C1orf115: variants seen among roughly 807,000 people sequenced by gnomAD.
C1orf115 encodes required for drug-induced death protein 1.
A neutral mutation model predicts 12.5 loss-of-function variants in C1orf115; 14 were observed. The ratio of observed to expected loss-of-function variants is 1.12; its 90% CI spans 0.74 to 1.75. C1orf115 has a LOEUF of 1.75. C1orf115 is among the 40% of genes most tolerant of loss of function. The pLI, the probability that C1orf115 is intolerant of heterozygous loss-of-function variation, is 0.00. For synonymous variants in C1orf115, 109 were observed against 104.6 expected, an observed-to-expected ratio of 1.04 and a Z score of -0.26; for missense variants, 237 against 220.8, an observed-to-expected ratio of 1.07 and a Z score of -0.46.
In C1orf115 at chr1:220,696,656, C is replaced by T. The variant is rs771614062; in HGVS notation, c.354C>T (p.Ile118=). Residue 118 remains isoleucine, a synonymous_variant, in exon 2 of 2, where the codon ATC becomes ATT. Coordinates refer to ENST00000294889, the MANE Select transcript of C1orf115 (RefSeq NM_024709.5). Reference sequence around the variant, plus strand: ...TCAAAGGATGCCGCTACGTGGTCATCGGCCTGCAAGGCTTCGCTGCAGCCT... The same window carrying T: ...TCAAAGGATGCCGCTACGTGGTCATTGGCCTGCAAGGCTTCGCTGCAGCCT... ...VIIKGCRYVV[I]GLQGFAAAYS... 1.0e-4 allele frequency: 167 copies of T among 1,601,424 alleles called. No homozygotes were observed. The highest frequency in any genetic ancestry group is 4.3e-4 in the East Asian group (19 of 44,504).
At position 220,698,732 on chromosome 1, in the gene C1orf115, A is replaced by G. The variant is rs1296739021; in HGVS notation, c.*2001A>G. On this transcript the variant is annotated 3_prime_UTR_variant, in exon 2 of 2. Coordinates refer to ENST00000294889, the MANE Select transcript of C1orf115 (RefSeq NM_024709.5). ...AATCTGTCCCAGGAAGAGCTTCCCC[A>G]CTCCCATCCCCCAAATTGGAAAAAC... 1 of 151,976 alleles carries G rather than the reference A, an allele frequency of 6.6e-6. No homozygotes were observed. Among genetic ancestry groups the G allele is most frequent in the Non-Finnish European group, 1.5e-5 (1 of 68,042 alleles). The allele number at this position is 151,976 out of a possible 1,614,324, so 9.4% of individuals were successfully genotyped here.
At position 220,699,127 on chromosome 1, in the gene C1orf115, T is replaced by C. The variant is rs75110474; in HGVS notation, c.*2396T>C. 2,391 of 152,302 alleles carry C rather than the reference T, an allele frequency of 0.016. 29 individuals are homozygous for C. The highest frequency in any genetic ancestry group is 0.031 in the South Asian group (148 of 4,816). 9.4% of individuals were successfully genotyped at this position (152,302 alleles called of 1,614,324 possible). ...TTTGTATCCTTTTCTTGTCCTATGA[T>C]GTAAATAAAAGCCTCGATTTATGTA... On this transcript the variant is annotated 3_prime_UTR_variant, in exon 2 of 2. Transcript: ENST00000294889.
Position 220,696,965 on chromosome 1 carries a change from G to A in C1orf115, c.*234G>A, listed in dbSNP as rs568789671. The A allele has an allele frequency of 9.5e-5, 42 of 443,380 alleles. No individual in the cohort carries two copies. In the East Asian group the frequency reaches 1.4e-3, roughly 15 times the overall value. The allele number at this position is 443,380 out of a possible 1,614,324, so 27.5% of individuals were successfully genotyped here. A position where few individuals can be genotyped will look rare whatever the true frequency, so the allele number is the denominator to read the frequency against. On this transcript the variant is annotated 3_prime_UTR_variant, in exon 2 of 2. Coordinates refer to ENST00000294889, the MANE Select transcript of C1orf115 (RefSeq NM_024709.5). ...TGGTCAATCCTGCAGAGAATTCGGC[G>A]GAGGTTAGGTTTGGGAGTGGAGCTA...
intron 1 of C1orf115, 43 bp downstream of exon 1, chr1:220,690,754 G>T: frequency 6.5e-7 from 1 of 1,543,306 alleles, no homozygotes; most frequent in Non-Finnish European, 8.7e-7. Flanking sequence ...CGCGGGTGTG[G>T]TGTCCCGCGG....
intron 1 of C1orf115, 120 bp downstream of exon 1, chr1:220,690,831 C>A: frequency 1.7e-6 from 2 of 1,181,160 alleles, no homozygotes; most frequent in South Asian, 1.6e-5. Context: ...GCGACCCCTC[C>A]GCCCCCGCTC....
chr1:220,690,806 C>T (rs1222710159), intron 1 of C1orf115, 95 bp downstream of exon 1: 3 of 1,415,684 alleles, frequency 2.1e-6, no homozygotes, highest in African/African-American at 3.0e-5. Context: ...CACCCAGTTT[C>T]TCCGGGCTGC....
Position 220,696,798 on chromosome 1 carries a change from C to G in C1orf115, c.*67C>G. On this transcript the variant is annotated 3_prime_UTR_variant, in exon 2 of 2. Transcript: ENST00000294889. ...CCCTGCTGTGGGAACTTTGTGAATC[C>G]TGGAGCATCTCAGACTTGAACACAC... 6.6e-7 allele frequency: 1 copy of G among 1,520,508 alleles called. No homozygotes were observed. Among genetic ancestry groups the G allele is most frequent in the Non-Finnish European group, 8.9e-7 (1 of 1,118,448 alleles). The allele number at this position is 1,520,508 out of a possible 1,614,324, so 94.2% of individuals were successfully genotyped here. A position where few individuals can be genotyped will look rare whatever the true frequency, so the allele number is the denominator to read the frequency against.
At chr1:220,692,762 C>T (rs765608797) in intron 1 of C1orf115, among the ~76,000 whole-genome samples, 16 of 152,112 alleles carry the variant, frequency 1.1e-4, no homozygotes, top group Non-Finnish European at 2.2e-4. Context: ...TACTAAATGC[C>T]ACCGGGCTGT....
In C1orf115 at chr1:220,694,123, A is replaced by G. The variant is rs960912306; in HGVS notation, c.310-2489A>G. On this transcript the variant is annotated intron_variant, in intron 1 of 1. Coordinates refer to ENST00000294889, the MANE Select transcript of C1orf115 (RefSeq NM_024709.5). The stretch of plus-strand genomic sequence containing the variant: ...AAAAAGCTCAAGTAAGCCAGAAGTC[A>G]TAGGAAATTATAGTCTTAAGAAACT... 9.9e-5 allele frequency among the ~76,000 whole-genome samples: 15 copies of G among 150,942 alleles called. 1 individual carries two copies. The highest frequency in any genetic ancestry group is 3.4e-4 in the African/African-American group (14 of 41,068).
At chr1:220,694,623 G>C (rs1670160969) in intron 1 of C1orf115, among the ~76,000 whole-genome samples, 1 of 152,206 alleles carries the variant, frequency 6.6e-6, no homozygotes. Flanking sequence ...ATTGAAGTCT[G>C]ATAGACAAAG....
chr1:220,695,395 C>A (rs12027353), intron 1 of C1orf115, among the ~76,000 whole-genome samples: 1 of 151,884 alleles, frequency 6.6e-6, no homozygotes, highest in Non-Finnish European at 1.5e-5. Context: ...AGACCACTTT[C>A]TCCACCGTAA....
In C1orf115 at chr1:220,690,730, C is replaced by T; in HGVS notation, c.309+19C>T. 6.4e-7 allele frequency: 1 copy of T among 1,565,828 alleles called. No individual in the cohort carries two copies. Among genetic ancestry groups the T allele is most frequent in the Non-Finnish European group, 8.6e-7 (1 of 1,157,772 alleles). On this transcript the variant is annotated intron_variant, in intron 1 of 1. Coordinates refer to ENST00000294889, the MANE Select transcript of C1orf115 (RefSeq NM_024709.5). ...CGGCAAGGTAGGGGCCCTGCGCCAC[C>T]ACTGCCCGGGGGGCGCGGGTGTGGT...
chr1:220,690,958 A>T (rs1185614246), intron 1 of C1orf115, among the ~76,000 whole-genome samples: 1 of 152,128 alleles, frequency 6.6e-6, no homozygotes, highest in Non-Finnish European at 1.5e-5. Context: ...TCTTAAGAAC[A>T]TTCTCAAGGG....
At chr1:220,696,519 G>A (rs1670195542) in intron 1 of C1orf115, 93 bp from the exon 2 acceptor site, 1 of 1,370,998 alleles carries the variant, frequency 7.3e-7, no homozygotes, top group East Asian at 2.4e-5. Context: ...CTTTATATAT[G>A]TCGCCGTGAC....
chr1:220,694,072 C>T (rs79180058), intron 1 of C1orf115, among the ~76,000 whole-genome samples: 5,452 of 103,114 alleles, frequency 0.053, 153 homozygotes, highest in Middle Eastern at 0.2. Context: ...AAGAGCAAAA[C>T]GCGGTCTCAA....
chr1:220,698,121 AGTAG>A lies in C1orf115; in HGVS notation c.*1392_*1395del, dbSNP rs1670221417. 6.6e-6 allele frequency: 1 copy of A among 152,654 alleles called. No individual in the cohort carries two copies. Among genetic ancestry groups the A allele is most frequent in the African/African-American group, 2.4e-5 (1 of 41,444 alleles). 9.5% of individuals were successfully genotyped at this position (152,654 alleles called of 1,614,324 possible). ...TACCATACCCCTCTGCCAACCCCCCAGTAGGCCACTGTTCTGACTTTGTTTCCAG... is the reference window on the plus strand; with the variant it reads ...TACCATACCCCTCTGCCAACCCCCCAGCCACTGTTCTGACTTTGTTTCCAG... On this transcript the variant is annotated 3_prime_UTR_variant, in exon 2 of 2. Coordinates refer to ENST00000294889, the MANE Select transcript of C1orf115 (RefSeq NM_024709.5).
rs772572669 is a variant in C1orf115, at chr1:220,699,013, T to C, written c.*2282T>C. On this transcript the variant is annotated 3_prime_UTR_variant, in exon 2 of 2. Coordinates refer to ENST00000294889, the MANE Select transcript of C1orf115 (RefSeq NM_024709.5). The stretch of plus-strand genomic sequence containing the variant: ...TTACCTTTTTACCTTTTCTTTCTTT[T>C]TTTTTCTTTTTTTCAATATCAGTGC... 4 of 152,210 alleles carry C rather than the reference T, an allele frequency of 2.6e-5. No homozygotes were observed. The highest frequency in any genetic ancestry group is 6.5e-5 in the Admixed American group (1 of 15,290). 9.4% of individuals were successfully genotyped at this position (152,210 alleles called of 1,614,324 possible).
chr1:220,698,846 G>T lies in C1orf115; in HGVS notation c.*2115G>T, dbSNP rs1463137831. Reference sequence around the variant, plus strand: ...TGTCAAAAGTCAAAACCTCCTAGGGGTTGTCCTGGGAGTCAGGTTCACGGG... The same window carrying T: ...TGTCAAAAGTCAAAACCTCCTAGGGTTTGTCCTGGGAGTCAGGTTCACGGG... On this transcript the variant is annotated 3_prime_UTR_variant, in exon 2 of 2. Coordinates refer to ENST00000294889, the MANE Select transcript of C1orf115 (RefSeq NM_024709.5). The T allele has an allele frequency of 6.6e-6, 1 of 152,130 alleles. No homozygotes were observed. The highest frequency in any genetic ancestry group is 2.4e-5 in the African/African-American group (1 of 41,392). The allele number at this position is 152,130 out of a possible 1,614,324, so 9.4% of individuals were successfully genotyped here.
chr1:220,690,791 C>T, intron 1 of C1orf115, 80 bp downstream of exon 1: 1 of 1,474,026 alleles, frequency 6.8e-7, no homozygotes, highest in Non-Finnish European at 9.1e-7. Flanking sequence ...TCCTTACCAT[C>T]GACTCACCCA....
Sources: allele counts gnomAD v4.1 joint callset (sites outside exome capture counted in the v4.1 genomes callset), GRCh38; gene constraint gnomAD v4.1.1; transcripts MANE v1.5; gene names NCBI Gene and HGNC (gene_info 2026-07-23, HGNC 2026-07-21).